The following SCRN3 variants were observed in gnomAD, a reference collection of about 807,000 sequenced individuals.
SCRN3 encodes secernin-3.
A neutral mutation model predicts 43.1 loss-of-function variants in SCRN3; 39 were observed. That is an observed-to-expected ratio of 0.91 (90% CI 0.70 to 1.18). SCRN3 has a LOEUF of 1.18. SCRN3 is among the 50% of genes most tolerant of loss of function. The pLI is 0.00. For synonymous variants in SCRN3, 147 were observed against 163.1 expected (o/e 0.90, Z 0.75); for missense variants, 484 against 498.0 (o/e 0.97, Z 0.27).
intron 2 of SCRN3, 121 bp downstream of exon 2, chr2:174,398,563 A>G (rs2105556318): frequency 1.3e-6 from 1 of 753,446 alleles, no homozygotes; most frequent in East Asian, 3.1e-5. Flanking sequence ...CATTTGAAAA[A>G]TAAATGAGTC....
At chr2:174,411,037 T>C (rs1433330682) in intron 5 of SCRN3, among the ~76,000 whole-genome samples, 1 of 152,192 alleles carries the variant, frequency 6.6e-6, no homozygotes, top group African/African-American at 2.4e-5. Flanking sequence ...GGACTCCTTA[T>C]TACGGCTATG....
In SCRN3 at chr2:174,408,397, A is replaced by G. The variant is rs1482472321; in HGVS notation, c.754+4082A>G. Among the ~76,000 whole-genome samples the G allele has an allele frequency of 1.4e-4, 20 of 140,468 alleles. 3 individuals carry two copies. Among genetic ancestry groups the G allele is most frequent in the African/African-American group, 4.2e-4 (17 of 40,230 alleles). 92.2% of individuals were successfully genotyped at this position (140,468 alleles called of 152,430 possible). On this transcript the variant is annotated intron_variant, in intron 5 of 7. Transcript: ENST00000272732. Reference sequence around the variant, plus strand: ...TTTCCTGAATACAGCACACTGATGGATCTTGACTCTATCCAATTTGCCAGT... The same window carrying G: ...TTTCCTGAATACAGCACACTGATGGGTCTTGACTCTATCCAATTTGCCAGT...
At chr2:174,412,698 A>G (rs1442003220) in intron 5 of SCRN3, among the ~76,000 whole-genome samples, 1 of 152,098 alleles carries the variant, frequency 6.6e-6, no homozygotes, top group Non-Finnish European at 1.5e-5. Flanking sequence ...GTCAGGGAGA[A>G]TTGAGGAGCA....
At chr2:174,403,690 G>A (rs777164853) in intron 4 of SCRN3, among the ~76,000 whole-genome samples, 2 of 152,174 alleles carry the variant, frequency 1.3e-5, no homozygotes, top group Non-Finnish European at 2.9e-5. Flanking sequence ...TGAGGTTAAT[G>A]AAGGATTTGG....
chr2:174,406,872 T>A (rs1026771241), intron 5 of SCRN3, among the ~76,000 whole-genome samples: 2 of 132,130 alleles, frequency 1.5e-5, no homozygotes, highest in African/African-American at 5.3e-5. Context: ...AGTATTTTAT[T>A]GAGGATTTTT....
At chr2:174,401,902 A>C (rs917749574) in intron 4 of SCRN3, among the ~76,000 whole-genome samples, 1 of 152,244 alleles carries the variant, frequency 6.6e-6, no homozygotes, top group Admixed American at 6.5e-5. Flanking sequence ...GAGAGATAAG[A>C]TACACATGTG....
At chr2:174,427,474 T>C (rs1686526394) in intron 7 of SCRN3, among the ~76,000 whole-genome samples, 1 of 152,182 alleles carries the variant, frequency 6.6e-6, no homozygotes, top group African/African-American at 2.4e-5. Context: ...AAACTACTCT[T>C]ATAATTGTTT....
chr2:174,405,377 G>A (rs1685658995), intron 5 of SCRN3, among the ~76,000 whole-genome samples: 1 of 111,602 alleles, frequency 9.0e-6, no homozygotes, highest in East Asian at 2.5e-4. Context: ...AGATGAGTAG[G>A]TTGCGAAAAT....
At chr2:174,424,963 G>T (rs527763599) in intron 7 of SCRN3, among the ~76,000 whole-genome samples, 2 of 152,166 alleles carry the variant, frequency 1.3e-5, no homozygotes, top group East Asian at 3.9e-4. Context: ...GTACTATTTT[G>T]ATTCCCACTT....
intron 7 of SCRN3, among the ~76,000 whole-genome samples, chr2:174,427,021 C>T (rs12613658): frequency 0.27 from 40,195 of 151,518 alleles, 6,071 homozygotes; most frequent in Middle Eastern, 0.54. Context: ...TTAGTAGAGA[C>T]GGGGTTTTAC....
Position 174,429,206 on chromosome 2 carries a change from A to T in SCRN3, c.*1311A>T, listed in dbSNP as rs1686583140. 6.6e-6 allele frequency: 1 copy of T among 152,212 alleles called. No individual in the cohort carries two copies. The highest frequency in any genetic ancestry group is 1.5e-5 in the Non-Finnish European group (1 of 68,034). The allele number at this position is 152,212 out of a possible 1,614,324, so 9.4% of individuals were successfully genotyped here. ...ATACTCCTCTTCTCTCCTTTAATAG[A>T]TGAGGAAACTAAGGGCAAACAGTTC... On this transcript the variant is annotated 3_prime_UTR_variant, in exon 8 of 8. Transcript: ENST00000272732.
At position 174,400,075 on chromosome 2, in the gene SCRN3, G is replaced by A; in HGVS notation, c.313G>A (p.Glu105Lys). 1 of 1,587,146 alleles carries A rather than the reference G, an allele frequency of 6.3e-7. No homozygotes were observed. Among genetic ancestry groups the A allele is most frequent in the South Asian group, 1.2e-5 (1 of 86,848 alleles). Residue 105 changes from glutamate (E) to lysine (K), a missense_variant, in exon 3 of 8, where the codon GAA (glutamate) becomes AAA (lysine). Transcript: ENST00000272732. ...VWGREEVCDE[E>K]ALLGMDLVRL... Reference sequence around the variant, plus strand: ...GGGAAGAGAAGAAGTTTGTGATGAAGAAGCACTATTAGGAATGGACCTTGT... The same window carrying A: ...GGGAAGAGAAGAAGTTTGTGATGAAAAAGCACTATTAGGAATGGACCTTGT...
rs754171822 is a variant in SCRN3, at chr2:174,422,862, G to T, written c.755-23G>T. On this transcript the variant is annotated intron_variant, in intron 5 of 7. Transcript: ENST00000272732. ...ATCCGTATATGCATATGTATTTGAT[G>T]ATTTTAAAAATTATTTCTCTAGGAA... 4 of 1,536,824 alleles carry T rather than the reference G, an allele frequency of 2.6e-6. No individual in the cohort carries two copies. In the South Asian group the frequency reaches 4.5e-5, roughly 17 times the overall value.
intron 6 of SCRN3, 45 bp downstream of exon 6, chr2:174,423,092 G>C (rs1244868594): frequency 6.7e-7 from 1 of 1,490,054 alleles, no homozygotes. Flanking sequence ...TCAGGGGATG[G>C]AGTAGAGTCA....
chr2:174,426,971 T>C (rs2105636725), intron 7 of SCRN3, among the ~76,000 whole-genome samples: 1 of 152,022 alleles, frequency 6.6e-6, no homozygotes, highest in East Asian at 2.0e-4. Context: ...TAGCTGGGAC[T>C]ACAGGCGTGC....
chr2:174,420,983 C>T (rs183037310), intron 5 of SCRN3, among the ~76,000 whole-genome samples: 151 of 152,082 alleles, frequency 9.9e-4, no homozygotes, highest in Non-Finnish European at 1.8e-3. Context: ...CTGCAAATCC[C>T]GAGAAGGACA....
At position 174,406,508 on chromosome 2, in the gene SCRN3, G is replaced by A. The variant is rs541773731; in HGVS notation, c.754+2193G>A. On this transcript the variant is annotated intron_variant, in intron 5 of 7. Coordinates refer to ENST00000272732, the MANE Select transcript of SCRN3 (RefSeq NM_024583.5). ...TTCCAACACTATGTTGAATAGGAGT[G>A]GTCAGAGAGGGCATCCCTGTCTTGT... Among the ~76,000 whole-genome samples the A allele has an allele frequency of 1.3e-3, 190 of 145,368 alleles. 1 individual carries two copies. Among genetic ancestry groups the A allele is most frequent in the African/African-American group, 4.4e-3 (178 of 40,894 alleles).
At chr2:174,419,292 T>A (rs1010156345) in intron 5 of SCRN3, among the ~76,000 whole-genome samples, 2 of 152,228 alleles carry the variant, frequency 1.3e-5, no homozygotes, top group African/African-American at 4.8e-5. Flanking sequence ...AATGAAAGTT[T>A]TTTTGTTTCT....
intron 5 of SCRN3, among the ~76,000 whole-genome samples, chr2:174,413,137 G>T (rs1046373440): frequency 1.3e-5 from 2 of 152,052 alleles, no homozygotes; most frequent in African/African-American, 4.8e-5. Context: ...CTCCCAAAGT[G>T]CTGGGATTAC....
Sources: allele counts gnomAD v4.1 joint callset (sites outside exome capture counted in the v4.1 genomes callset), GRCh38; gene constraint gnomAD v4.1.1; transcripts MANE v1.5; gene names NCBI Gene and HGNC (gene_info 2026-07-23, HGNC 2026-07-21).